Variants in SLC11A2 observed in about 807,000 individuals in gnomAD.
SLC11A2 encodes natural resistance-associated macrophage protein 2.
SLC11A2 carries 38 observed loss-of-function variants against 68.0 expected under a neutral mutation model. The ratio of observed to expected loss-of-function variants is 0.56; its 90% CI spans 0.43 to 0.73. The LOEUF is 0.73. SLC11A2 is among the 30% of genes least tolerant of loss of function. The pLI is 0.00. For synonymous variants in SLC11A2, 242 were observed against 250.6 expected (o/e 0.97, Z 0.32); for missense variants, 517 against 690.5 (o/e 0.75, Z 2.82).
chr12:51,026,377 G>A lies in SLC11A2; in HGVS notation c.-106C>T, dbSNP rs867517914. 3.1e-6 allele frequency: 4 copies of A among 1,278,916 alleles called. No individual in the cohort carries two copies. The highest frequency in any genetic ancestry group is 3.1e-6 in the Non-Finnish European group (3 of 981,808). 79.2% of individuals were successfully genotyped at this position (1,278,916 alleles called of 1,614,324 possible). ...AGGGCTCCATATTCCGGGAGCCAGC[G>A]CCACGCTGGCTAACGCCCTCCCCTC... On this transcript the variant is annotated 5_prime_UTR_variant, in exon 1 of 16. Transcript: ENST00000262052.
At chr12:51,022,654 T>A (rs1223927543) in intron 1 of SLC11A2, among the ~76,000 whole-genome samples, 2 of 152,206 alleles carry the variant, frequency 1.3e-5, no homozygotes, top group Non-Finnish European at 2.9e-5. Flanking sequence ...GTCCTCCAAG[T>A]TTCTTTTCCT....
At chr12:51,017,431 C>T (rs1052724083) in intron 1 of SLC11A2, among the ~76,000 whole-genome samples, 2 of 152,122 alleles carry the variant, frequency 1.3e-5, no homozygotes, top group Non-Finnish European at 2.9e-5. Context: ...AGAAAACACA[C>T]ACGTACACGT....
chr12:50,976,975 A>G (rs1178752171), downstream of SLC11A2, among the ~76,000 whole-genome samples: 2 of 152,162 alleles, frequency 1.3e-5, no homozygotes, highest in African/African-American at 4.8e-5. Flanking sequence ...ACTACAAACC[A>G]CTGCTCAATG....
downstream of SLC11A2, chr12:50,980,512 C>T (rs529914915): frequency 2.6e-5 from 4 of 151,724 alleles, no homozygotes; most frequent in South Asian, 8.3e-4. Flanking sequence ...TAACAACAAA[C>T]AACAACAACA....
At chr12:50,975,042 G>A (rs1939830807), downstream of SLC11A2, among the ~76,000 whole-genome samples, 1 of 152,126 alleles carries the variant, frequency 6.6e-6, no homozygotes. Context: ...ATAATAATGG[G>A]AGACTTTAAC....
Position 50,990,576 on chromosome 12 carries a change from C to A in SLC11A2, c.1575+219G>T. On this transcript the variant is annotated intron_variant, in intron 15 of 15. Transcript: ENST00000262052. ...TGTTATGTGCTCTTTTGGGTCTGTT[C>A]ATTTCTCTTTTTTTGTAGAGATGGA... 4 of 550,148 alleles carry A rather than the reference C, an allele frequency of 7.3e-6. No homozygotes were observed. The South Asian group carries it at 1.0e-4, about 14-fold the overall frequency. The allele number at this position is 550,148 out of a possible 1,614,324, so 34.1% of individuals were successfully genotyped here. A position where few individuals can be genotyped will look rare whatever the true frequency, so the allele number is the denominator to read the frequency against.
intron 1 of SLC11A2, among the ~76,000 whole-genome samples, chr12:51,011,803 C>T (rs752959221): frequency 7.9e-5 from 12 of 151,738 alleles, no homozygotes; most frequent in South Asian, 2.1e-4. Context: ...CCTCATGATC[C>T]GCCCACCCCA....
chr12:51,002,385 T>A (rs1261295457), intron 5 of SLC11A2, among the ~76,000 whole-genome samples: 1 of 151,984 alleles, frequency 6.6e-6, no homozygotes, highest in African/African-American at 2.4e-5. Context: ...ACATCTGTAA[T>A]CCCAGCACTT....
rs781388985 is a variant in SLC11A2 at position 50,988,016 on chromosome 12, A to G, written c.*309T>C. 26 of 1,349,814 alleles carry G rather than the reference A, an allele frequency of 1.9e-5. No individual in the cohort carries two copies. Among genetic ancestry groups the G allele is most frequent in the Non-Finnish European group, 2.0e-5 (21 of 1,030,104 alleles). The allele number at this position is 1,349,814 out of a possible 1,614,324, so 83.6% of individuals were successfully genotyped here. ...CATATAGCCTGGTTAAGAATCATGC[A>G]TATCCTTGTCTCTCCGAAGGATAAA... On this transcript the variant is annotated 3_prime_UTR_variant, in exon 16 of 16. Coordinates refer to ENST00000262052, the MANE Select transcript of SLC11A2 (RefSeq NM_000617.3).
chr12:51,027,211 C>A (rs1333637573), upstream of SLC11A2, among the ~76,000 whole-genome samples: 1 of 151,772 alleles, frequency 6.6e-6, no homozygotes, highest in African/African-American at 2.4e-5. Flanking sequence ...ATCACGGCGC[C>A]CGCCTGTGGT....
the SLC11A2 span, among the ~76,000 whole-genome samples, chr12:50,959,021 GA>G: frequency 6.6e-6 from 1 of 151,800 alleles, no homozygotes; most frequent in African/African-American, 2.4e-5. Flanking sequence ...TGTCTCAAAA[GA>G]AAAACAAACA....
At chr12:50,956,329 T>C in the SLC11A2 span, among the ~76,000 whole-genome samples, 7 of 152,054 alleles carry the variant, frequency 4.6e-5, no homozygotes, top group African/African-American at 1.4e-4. Context: ...GAAGTGGAGG[T>C]TGCAGTGAGC....
chr12:51,027,082 A>C (rs2136453492), upstream of SLC11A2, among the ~76,000 whole-genome samples: 1 of 152,168 alleles, frequency 6.6e-6, no homozygotes, highest in South Asian at 2.1e-4. Context: ...AGGCTGAGGC[A>C]AGAGAATCGC....
chr12:51,014,394 C>T (rs562857078), intron 1 of SLC11A2, among the ~76,000 whole-genome samples: 16 of 152,242 alleles, frequency 1.1e-4, no homozygotes, highest in African/African-American at 3.6e-4. Context: ...CATTCCTATA[C>T]CAAGTACATA....
intron 1 of SLC11A2, among the ~76,000 whole-genome samples, chr12:51,013,659 G>A (rs1943409230): frequency 6.6e-6 from 1 of 151,746 alleles, no homozygotes; most frequent in Non-Finnish European, 1.5e-5. Flanking sequence ...AGAACTGCTT[G>A]AGCCCTGGGG....
At chr12:50,995,818 G>C (rs1374037374) in intron 9 of SLC11A2, 31 bp from the exon 10 acceptor site, 2 of 1,608,746 alleles carry the variant, frequency 1.2e-6, no homozygotes, top group South Asian at 2.2e-5. Flanking sequence ...GTCACTTTTT[G>C]ACCAGTTAGA....
At chr12:51,028,174 T>C (rs1420101579), upstream of SLC11A2, 6 of 1,531,338 alleles carry the variant, frequency 3.9e-6, no homozygotes, top group Admixed American at 1.2e-4. Context: ...CTGGGCTACT[T>C]ACTTAGTTCA....
chr12:51,023,301 G>A lies in SLC11A2; in HGVS notation c.-39+3009C>T, dbSNP rs138053763. ...AACTCTACAAAAAAATTAAAAATTAGCTGAGCATGGTGGCGCAAGCCTGTA... is the reference window on the plus strand; with the variant it reads ...AACTCTACAAAAAAATTAAAAATTAACTGAGCATGGTGGCGCAAGCCTGTA... On this transcript the variant is annotated intron_variant, in intron 1 of 15. Transcript: ENST00000262052. Among the ~76,000 whole-genome samples, 642 of 152,268 alleles carry A rather than the reference G, an allele frequency of 4.2e-3. 6 individuals carry two copies. Among genetic ancestry groups the A allele is most frequent in the African/African-American group, 0.014 (576 of 41,552 alleles).
chr12:51,027,384 C>T (rs928448798), upstream of SLC11A2, among the ~76,000 whole-genome samples: 10 of 152,008 alleles, frequency 6.6e-5, no homozygotes, highest in Admixed American at 4.6e-4. Flanking sequence ...CTCGCGCCCC[C>T]AGAGCCACAT....
Sources: gnomAD v4.1 joint callset for allele counts (sites outside exome capture counted in the v4.1 genomes callset) on GRCh38, gnomAD v4.1.1 for gene constraint, MANE v1.5 for transcripts, NCBI Gene and HGNC (gene_info 2026-07-23, HGNC 2026-07-21) for gene names.